GTF2F2: variants seen among roughly 807,000 people sequenced by gnomAD.
The protein encoded by GTF2F2 is general transcription factor IIF subunit 2, also known as ATP-dependent helicase GTF2F2.
GTF2F2 carries 23 observed loss-of-function variants against 42.2 expected under a neutral mutation model. The ratio of observed to expected loss-of-function variants is 0.55; its 90% CI spans 0.39 to 0.77. The LOEUF (loss-of-function observed/expected upper bound fraction) is 0.77, where lower values mean the gene tolerates loss of function less well. Among genes scored for constraint, GTF2F2 ranks in the 30% least tolerant of loss-of-function variants. The pLI, the probability that GTF2F2 is intolerant of heterozygous loss-of-function variation, is 0.00. For missense variants in GTF2F2, 261 were observed against 287.2 expected, an observed-to-expected ratio of 0.91 and a Z score of 0.66; for synonymous variants, 105 against 100.8, an observed-to-expected ratio of 1.04 and a Z score of -0.25.
chr13:45,270,340 TATAAC>T (rs1399324100), intron 7 of GTF2F2, among the ~76,000 whole-genome samples: 1 of 152,186 alleles, frequency 6.6e-6, no homozygotes, highest in Non-Finnish European at 1.5e-5. Flanking sequence ...TTTTGTTACT[TATAAC>T]AGAATACCTG....
chr13:45,192,585 A>T (rs1320204913), intron 4 of GTF2F2, among the ~76,000 whole-genome samples: 2 of 152,222 alleles, frequency 1.3e-5, no homozygotes, highest in African/African-American at 2.4e-5. Flanking sequence ...GTTAAAGAAC[A>T]AGTGAAATGA....
chr13:45,201,543 C>T (rs1873184373), intron 4 of GTF2F2, among the ~76,000 whole-genome samples: 1 of 152,144 alleles, frequency 6.6e-6, no homozygotes, highest in Non-Finnish European at 1.5e-5. Flanking sequence ...AGTAACACTG[C>T]TGTTTAGTGA....
intron 5 of GTF2F2, among the ~76,000 whole-genome samples, chr13:45,233,837 C>G (rs986751855): frequency 6.6e-6 from 1 of 152,034 alleles, no homozygotes; most frequent in Admixed American, 6.6e-5. Context: ...CACTTGAGCC[C>G]AGGAGGCCGA....
chr13:45,251,635 C>T (rs1875883432), intron 5 of GTF2F2, among the ~76,000 whole-genome samples: 2 of 151,810 alleles, frequency 1.3e-5, no homozygotes, highest in South Asian at 2.1e-4. Flanking sequence ...TTTCTAACAT[C>T]GTTTTCAATT....
intron 5 of GTF2F2, among the ~76,000 whole-genome samples, chr13:45,237,078 G>T (rs1394234864): frequency 6.6e-6 from 1 of 152,010 alleles, no homozygotes; most frequent in African/African-American, 2.4e-5. Flanking sequence ...TACCCTAAAA[G>T]ATTAAATCTA....
chr13:45,136,795 GC>G lies in GTF2F2; in HGVS notation c.130del (p.Arg44GlyfsTer15). On this transcript the variant is annotated frameshift_variant, in exon 2 of 8. Coordinates refer to ENST00000340473, the MANE Select transcript of GTF2F2 (RefSeq NM_004128.3). LOFTEE classifies it high-confidence loss of function. ...ASGRGEVGKLRIAKTQGRTEV... is the reference protein window; with the variant it reads ...ASGRGEVGKLXIAKTQGRTEV... ...CTGGAAGAGGTGAAGTTGGGAAACT[GC>G]GGATTGCCAAGTAAGTTATTTACAT... 6.3e-7 allele frequency: 1 copy of G among 1,577,234 alleles called. No individual in the cohort carries two copies. The highest frequency in any genetic ancestry group is 8.7e-7 in the Non-Finnish European group (1 of 1,147,128).
At chr13:45,234,220 A>C (rs745763369) in intron 5 of GTF2F2, among the ~76,000 whole-genome samples, 3 of 152,240 alleles carry the variant, frequency 2.0e-5, no homozygotes, top group Non-Finnish European at 4.4e-5. Context: ...GTCCTATAAT[A>C]ATAGTCATTC....
At chr13:45,252,226 T>G (rs1875907739) in intron 5 of GTF2F2, among the ~76,000 whole-genome samples, 1 of 152,214 alleles carries the variant, frequency 6.6e-6, no homozygotes, top group Non-Finnish European at 1.5e-5. Context: ...CACTGTGGCC[T>G]CGACCTCCCA....
chr13:45,132,444 T>A (rs549846398), intron 1 of GTF2F2, among the ~76,000 whole-genome samples: 2 of 151,866 alleles, frequency 1.3e-5, no homozygotes, highest in Non-Finnish European at 2.9e-5. Flanking sequence ...TTTTTTTTTT[T>A]TGGTTTGTTT....
At chr13:45,223,763 C>T (rs1473897981) in intron 5 of GTF2F2, among the ~76,000 whole-genome samples, 1 of 152,134 alleles carries the variant, frequency 6.6e-6, no homozygotes, top group Non-Finnish European at 1.5e-5. Context: ...TACAGTCCTT[C>T]AAATATATAA....
rs1438776132 is a variant in GTF2F2, at chr13:45,136,806, A to C, written c.140A>C (p.Lys47Thr). The change falls in exon 2 of 8, where the codon AAG becomes ACG. Residue 47 changes from lysine (K) to threonine (T), a missense_variant and splice_region_variant. By Grantham distance (78) the Lys-to-Thr change is moderately conservative. Coordinates refer to ENST00000340473, the MANE Select transcript of GTF2F2 (RefSeq NM_004128.3). ...RGEVGKLRIA[K>T]TQGRTEVSFT... ...GAAGTTGGGAAACTGCGGATTGCCA[A>C]GTAAGTTATTTACATATTCTTGACA... 6.5e-7 allele frequency: 1 copy of C among 1,534,370 alleles called. No homozygotes were observed. The highest frequency in any genetic ancestry group is 1.1e-5 in the South Asian group (1 of 88,788).
rs997191275 is a variant in GTF2F2 at position 45,231,364 on chromosome 13, C to T, written c.387-21507C>T. On this transcript the variant is annotated intron_variant, in intron 5 of 7. Coordinates refer to ENST00000340473, the MANE Select transcript of GTF2F2 (RefSeq NM_004128.3). ...CTCATGATCTGCCCACCTCGGCCTC[C>T]CAGAGTGCTGGGATTACAGGCATGA... 4.1e-4 allele frequency among the ~76,000 whole-genome samples: 63 copies of T among 152,272 alleles called. 1 individual carries two copies. Among genetic ancestry groups the T allele is most frequent in the Non-Finnish European group, 7.4e-5 (5 of 68,012 alleles).
intron 1 of GTF2F2, among the ~76,000 whole-genome samples, chr13:45,132,539 GTTATAATC>G: frequency 6.6e-6 from 1 of 151,952 alleles, no homozygotes; most frequent in African/African-American, 2.4e-5. Context: ...GAAGACAGAA[GTTATAATC>G]TTATGTAACC....
At chr13:45,272,863 C>G (rs1227251461) in intron 7 of GTF2F2, among the ~76,000 whole-genome samples, 1 of 151,210 alleles carries the variant, frequency 6.6e-6, no homozygotes, top group Non-Finnish European at 1.5e-5. Context: ...CCAAGCAGTT[C>G]TCCCACCTCA....
At chr13:45,241,742 G>A (rs191793169) in intron 5 of GTF2F2, among the ~76,000 whole-genome samples, 6 of 152,144 alleles carry the variant, frequency 3.9e-5, no homozygotes, top group African/African-American at 1.4e-4. Context: ...CTTATGATTT[G>A]AAAACCAAAT....
chr13:45,271,638 A>T (rs1001724167), intron 7 of GTF2F2, among the ~76,000 whole-genome samples: 16 of 150,626 alleles, frequency 1.1e-4, no homozygotes, highest in Non-Finnish European at 1.9e-4. Context: ...TACAACCTCC[A>T]CCTCCCGGGT....
At chr13:45,207,528 A>G (rs748076726) in intron 5 of GTF2F2, 23 bp downstream of exon 5, 9 of 1,366,440 alleles carry the variant, frequency 6.6e-6, no homozygotes, top group Non-Finnish European at 9.4e-6. Context: ...TAACTCCAGA[A>G]TGATACCTGA....
At chr13:45,184,874 C>T (rs1872341590) in intron 4 of GTF2F2, among the ~76,000 whole-genome samples, 1 of 152,136 alleles carries the variant, frequency 6.6e-6, no homozygotes, top group South Asian at 2.1e-4. Context: ...AGTGCAGTGG[C>T]ATAGTCATGG....
At chr13:45,184,969 G>A (rs1872347285) in intron 4 of GTF2F2, among the ~76,000 whole-genome samples, 2 of 152,040 alleles carry the variant, frequency 1.3e-5, no homozygotes, top group South Asian at 4.1e-4. Flanking sequence ...GGGCCACCAC[G>A]CCCAACTGTT....
Sources: gnomAD v4.1 joint callset for allele counts (sites outside exome capture counted in the v4.1 genomes callset) on GRCh38, gnomAD v4.1.1 for gene constraint, MANE v1.5 for transcripts, NCBI Gene and HGNC (gene_info 2026-07-23, HGNC 2026-07-21) for gene names.